The following ZRANB3 variants were observed in gnomAD, a reference collection of about 807,000 sequenced individuals.
The protein encoded by ZRANB3 is zinc finger RANBP2-type containing 3, also known as DNA annealing helicase and endonuclease ZRANB3.
A neutral mutation model predicts 133.8 loss-of-function variants in ZRANB3; 125 were observed. That is an observed-to-expected ratio of 0.93 (90% confidence interval 0.81 to 1.08). ZRANB3 has a LOEUF of 1.08. Among genes scored for constraint, ZRANB3 ranks in the 50% least tolerant of loss-of-function variants. The pLI is 0.00. For missense variants in ZRANB3, 1,229 were observed against 1,275.5 expected (o/e 0.96, Z 0.56); for synonymous variants, 387 against 432.7 (o/e 0.89, Z 1.31).
intron 8 of ZRANB3, among the ~76,000 whole-genome samples, chr2:135,305,712 C>T (rs1393858225): frequency 1.3e-5 from 2 of 152,072 alleles, no homozygotes; most frequent in East Asian, 3.8e-4. Flanking sequence ...ATGGTAGATA[C>T]AATTATTTTT....
chr2:135,530,252 T>C (rs1022590336), intron 1 of ZRANB3, among the ~76,000 whole-genome samples: 1 of 150,894 alleles, frequency 6.6e-6, no homozygotes, highest in Non-Finnish European at 1.5e-5. Context: ...AGTTCAGAAC[T>C]TCGGAGCCCT....
chr2:135,220,396 A>T (rs1018642317), intron 15 of ZRANB3, among the ~76,000 whole-genome samples: 2 of 151,894 alleles, frequency 1.3e-5, no homozygotes, highest in Non-Finnish European at 2.9e-5. Context: ...TACAAAAAGT[A>T]GGCACTGATT....
chr2:135,436,109 G>C (rs901293378), intron 2 of ZRANB3, among the ~76,000 whole-genome samples: 3 of 152,096 alleles, frequency 2.0e-5, no homozygotes, highest in African/African-American at 7.2e-5. Context: ...GCTTTTTATA[G>C]TTTTGGGTTT....
intron 8 of ZRANB3, among the ~76,000 whole-genome samples, chr2:135,312,592 G>C (rs1347887202): frequency 6.6e-6 from 1 of 151,966 alleles, no homozygotes. Context: ...TTCACTTTTA[G>C]ACAAACAGAA....
intron 17 of ZRANB3, among the ~76,000 whole-genome samples, chr2:135,216,010 T>G (rs1463587157): frequency 6.6e-6 from 1 of 151,950 alleles, no homozygotes; most frequent in Non-Finnish European, 1.5e-5. Context: ...TGATAAGAAT[T>G]TCTAAGGTAT....
At chr2:135,268,915 G>A (rs1180676582) in intron 11 of ZRANB3, 47 bp downstream of exon 11, 6 of 1,547,078 alleles carry the variant, frequency 3.9e-6, no homozygotes, top group Non-Finnish European at 5.2e-6. Flanking sequence ...CATTGGCTAT[G>A]GTTAATAGTA....
At chr2:135,356,244 C>T (rs1244995533) in intron 3 of ZRANB3, among the ~76,000 whole-genome samples, 1 of 151,676 alleles carries the variant, frequency 6.6e-6, no homozygotes, top group Non-Finnish European at 1.5e-5. Flanking sequence ...TAGTTAATAA[C>T]AACATACTAC....
chr2:135,446,498 T>C (rs1574116985), intron 2 of ZRANB3, among the ~76,000 whole-genome samples: 2 of 152,156 alleles, frequency 1.3e-5, no homozygotes, highest in East Asian at 1.9e-4. Context: ...CAGTATAGTA[T>C]GACTGCCAGC....
intron 8 of ZRANB3, among the ~76,000 whole-genome samples, chr2:135,307,606 T>C (rs1269109268): frequency 6.6e-6 from 1 of 152,228 alleles, no homozygotes; most frequent in African/African-American, 2.4e-5. Flanking sequence ...GCTTTATCAG[T>C]TGCTTTATGT....
In ZRANB3 at chr2:135,315,972, T is replaced by C. The variant is rs146305686; in HGVS notation, c.678-442A>G. On this transcript the variant is annotated intron_variant, in intron 6 of 20. Coordinates refer to ENST00000264159, the MANE Select transcript of ZRANB3 (RefSeq NM_032143.4). ...ATTTTCTGTGCCCTCTAGGAGGAGA[T>C]ATTATCTCCAATAGGGCTGTTAAAG... 7.2e-5 allele frequency among the ~76,000 whole-genome samples: 11 copies of C among 152,308 alleles called. No homozygotes were observed. In the East Asian group the frequency reaches 9.6e-4, roughly 13 times the overall value.
At chr2:135,242,232 C>T (rs2105084057) in intron 12 of ZRANB3, among the ~76,000 whole-genome samples, 1 of 151,378 alleles carries the variant, frequency 6.6e-6, no homozygotes, top group Non-Finnish European at 1.5e-5. Context: ...CAATCATGGA[C>T]ATGCAGGTGG....
intron 8 of ZRANB3, among the ~76,000 whole-genome samples, chr2:135,293,592 TCTC>T (rs1219373210): frequency 6.6e-6 from 1 of 152,084 alleles, no homozygotes; most frequent in Non-Finnish European, 1.5e-5. Flanking sequence ...TTTATTTCCT[TCTC>T]CTGCCTCATT....
At chr2:135,504,291 G>A in intron 2 of ZRANB3, 38 bp downstream of exon 2, 2 of 1,609,704 alleles carry the variant, frequency 1.2e-6, no homozygotes, top group Non-Finnish European at 1.7e-6. Flanking sequence ...CACTTTCCAG[G>A]AATTTAACAT....
intron 3 of ZRANB3, among the ~76,000 whole-genome samples, chr2:135,381,261 G>T (rs1252776320): frequency 1.3e-5 from 2 of 152,212 alleles, no homozygotes; most frequent in African/African-American, 2.4e-5. Context: ...TGCTAGCACA[G>T]CAGTCTGAGA....
chr2:135,491,917 G>T (rs1692396714), intron 2 of ZRANB3, among the ~76,000 whole-genome samples: 1 of 152,084 alleles, frequency 6.6e-6, no homozygotes, highest in African/African-American at 2.4e-5. Flanking sequence ...AGGACAGAGA[G>T]GGAGAAAAAG....
intron 2 of ZRANB3, among the ~76,000 whole-genome samples, chr2:135,455,049 G>A (rs1690438633): frequency 6.6e-6 from 1 of 151,798 alleles, no homozygotes; most frequent in African/African-American, 2.4e-5. Context: ...TATACAAGAG[G>A]TATATATAAC....
At chr2:135,372,335 T>A (rs143915681) in intron 3 of ZRANB3, among the ~76,000 whole-genome samples, 1 of 152,054 alleles carries the variant, frequency 6.6e-6, no homozygotes, top group East Asian at 1.9e-4. Context: ...GAGAAATACA[T>A]ATTTGTTTTT....
chr2:135,387,664 T>C (rs1287815131), intron 3 of ZRANB3, among the ~76,000 whole-genome samples: 1 of 152,086 alleles, frequency 6.6e-6, no homozygotes, highest in East Asian at 1.9e-4. Flanking sequence ...AGGTGTAAAA[T>C]AATGGGTCTT....
intron 2 of ZRANB3, among the ~76,000 whole-genome samples, chr2:135,407,371 C>A (rs568460864): frequency 6.6e-6 from 1 of 151,910 alleles, no homozygotes; most frequent in Non-Finnish European, 1.5e-5. Context: ...TAGGAAGAAT[C>A]AATATCGTGA....
Sources: allele counts gnomAD v4.1 joint callset (sites outside exome capture counted in the v4.1 genomes callset), GRCh38; gene constraint gnomAD v4.1.1; transcripts MANE v1.5; gene names NCBI Gene and HGNC (gene_info 2026-07-23, HGNC 2026-07-21).